Variants in RAB3GAP2 observed in about 807,000 individuals in gnomAD.
RAB3GAP2 encodes the protein RAB3 GTPase activating non-catalytic protein subunit 2.
In RAB3GAP2, 87 loss-of-function variants were observed where a neutral mutation model predicts 185.3. That is an observed-to-expected ratio of 0.47 (90% confidence interval 0.39 to 0.56). The LOEUF (loss-of-function observed/expected upper bound fraction) is 0.56, where lower values mean the gene tolerates loss of function less well. RAB3GAP2 is among the 20% of genes least tolerant of loss of function. The probability of loss-of-function intolerance (pLI) is 0.00; values close to 1 mark genes in which losing one functional copy is unlikely to be tolerated. For missense variants in RAB3GAP2, 1,492 were observed against 1,638.2 expected (o/e 0.91, Z 1.54); for synonymous variants, 554 against 576.1 (o/e 0.96, Z 0.55).
chr1:220,239,987 AT>A (rs1222997773), intron 1 of RAB3GAP2, among the ~76,000 whole-genome samples: 1 of 127,976 alleles, frequency 7.8e-6, no homozygotes, highest in African/African-American at 3.3e-5. Context: ...CATTTTGAAG[AT>A]TAAAAAAAAA....
chr1:220,200,810 C>T, intron 9 of RAB3GAP2: 2 of 357,308 alleles, frequency 5.6e-6, no homozygotes, highest in Non-Finnish European at 1.1e-5. Flanking sequence ...TATCCTTAGC[C>T]TCTTTAGAGT....
At chr1:220,191,312 A>C (rs1658615596) in intron 13 of RAB3GAP2, 28 bp from the exon 14 acceptor site, 1 of 1,263,386 alleles carries the variant, frequency 7.9e-7, no homozygotes, top group African/African-American at 1.8e-5. Flanking sequence ...AGGGAAGTTA[A>C]TTACTTAATC....
chr1:220,263,409 A>G (rs916950337), intron 1 of RAB3GAP2, among the ~76,000 whole-genome samples: 1 of 152,058 alleles, frequency 6.6e-6, no homozygotes, highest in Non-Finnish European at 1.5e-5. Flanking sequence ...GTTTTATTCT[A>G]AAGTTTTACA....
chr1:220,226,264 G>A (rs548907166), intron 2 of RAB3GAP2, among the ~76,000 whole-genome samples: 1 of 152,248 alleles, frequency 6.6e-6, no homozygotes, highest in African/African-American at 2.4e-5. Flanking sequence ...ATGAAGGAAA[G>A]TCCATTAAAT....
intron 2 of RAB3GAP2, among the ~76,000 whole-genome samples, chr1:220,224,292 A>G (rs936989058): frequency 2.6e-5 from 4 of 152,158 alleles, no homozygotes; most frequent in Admixed American, 6.6e-5. Context: ...CTCAATTATG[A>G]CACTATGTGC....
intron 21 of RAB3GAP2, among the ~76,000 whole-genome samples, chr1:220,181,377 G>A (rs1238899043): frequency 2.0e-5 from 3 of 152,120 alleles, no homozygotes; most frequent in Admixed American, 6.5e-5. Context: ...TCTTCCATGG[G>A]TGCTGAGGGA....
intron 1 of RAB3GAP2, chr1:220,266,623 T>C (rs958857248): frequency 2.5e-6 from 3 of 1,217,624 alleles, no homozygotes; most frequent in East Asian, 4.7e-5. Flanking sequence ...CAGCAGTCAA[T>C]GGTAAAATAA....
At chr1:220,204,944 T>C (rs978194207) in intron 8 of RAB3GAP2, among the ~76,000 whole-genome samples, 1 of 152,060 alleles carries the variant, frequency 6.6e-6, no homozygotes, top group Non-Finnish European at 1.5e-5. Flanking sequence ...TAGTATTCCA[T>C]GGTGTATATG....
rs1193564227 is a variant in RAB3GAP2 at position 220,241,873 on chromosome 1, T to A, written c.116-9010A>T. Among the ~76,000 whole-genome samples, 5 of 152,114 alleles carry A rather than the reference T, an allele frequency of 3.3e-5. 1 individual carries two copies. In the South Asian group the frequency reaches 1.0e-3, roughly 31 times the overall value. Reference sequence around the variant, plus strand: ...TCATATTTATATATTATTTATTTTTTATATCCAAAACAACAGAAAAAGTTA... The same window carrying A: ...TCATATTTATATATTATTTATTTTTAATATCCAAAACAACAGAAAAAGTTA... On this transcript the variant is annotated intron_variant, in intron 1 of 34. Transcript: ENST00000358951.
rs536431400 is a variant in RAB3GAP2 at position 220,160,875 on chromosome 1, C to T, written c.3225+1323G>A. 2.6e-5 allele frequency among the ~76,000 whole-genome samples: 4 copies of T among 152,338 alleles called. No homozygotes were observed. In the South Asian group the frequency reaches 8.3e-4, roughly 32 times the overall value. On this transcript the variant is annotated intron_variant, in intron 28 of 34. Transcript: ENST00000358951. ...AGCTCTTTGAGGGCCAGGACCATAA[C>T]TTCCATTGGTTCAACCACAGAACCT...
intron 24 of RAB3GAP2, 138 bp from the exon 25 acceptor site, chr1:220,167,813 G>A (rs1658099470): frequency 8.7e-6 from 8 of 921,590 alleles, no homozygotes; most frequent in Non-Finnish European, 1.4e-5. Context: ...AAAAAGCCAT[G>A]AGATTTACAG....
intron 1 of RAB3GAP2, among the ~76,000 whole-genome samples, chr1:220,239,005 T>C (rs1428283597): frequency 6.6e-6 from 1 of 152,166 alleles, no homozygotes; most frequent in Non-Finnish European, 1.5e-5. Context: ...GCTAAACGAA[T>C]AGTAATTGAA....
At chr1:220,246,168 T>A (rs1377688850) in intron 1 of RAB3GAP2, among the ~76,000 whole-genome samples, 2 of 151,934 alleles carry the variant, frequency 1.3e-5, no homozygotes, top group Non-Finnish European at 2.9e-5. Context: ...AAAAAACACA[T>A]GAAAAAATGC....
Position 220,196,307 on chromosome 1 carries a change from C to T in RAB3GAP2, c.903G>A (p.Met301Ile). The T allele has an allele frequency of 1.2e-6, 2 of 1,612,410 alleles. No individual in the cohort carries two copies. Among genetic ancestry groups the T allele is most frequent in the Middle Eastern group, 1.7e-4 (1 of 6,054 alleles). ...TGGACCCTACAGTGATATACTGAGACATGGCAGGTGGACTATTTTTAATTG... is the reference window on the plus strand; with the variant it reads ...TGGACCCTACAGTGATATACTGAGATATGGCAGGTGGACTATTTTTAATTG... Reference protein sequence around the residue: ...NAAIKNSPPAMSQYITVGSNP... With the variant: ...NAAIKNSPPAISQYITVGSNP... Residue 301 changes from methionine (M) to isoleucine (I), a missense_variant, in exon 10 of 35, where the codon ATG (methionine) becomes ATA (isoleucine). Physicochemically the swap from Met to Ile is conservative, Grantham distance 10 (BLOSUM62 1). Transcript: ENST00000358951.
chr1:220,152,879 T>C (rs1657788756), intron 33 of RAB3GAP2, among the ~76,000 whole-genome samples: 1 of 152,142 alleles, frequency 6.6e-6, no homozygotes, highest in Non-Finnish European at 1.5e-5. Context: ...TCATAGCACC[T>C]ATCATTCAAT....
rs1658033290 is a variant in RAB3GAP2, at chr1:220,164,745, G to A, written c.3142C>T (p.His1048Tyr). ...IEHLKQIFNA[H>Y]VQNGIALMMW... is the part of the protein sequence containing the mutation. ...TCTGTTTACTTACCATTTTGAACATGTGCATTAAATATTTGCTTCAAGTGT... is the reference window on the plus strand; with the variant it reads ...TCTGTTTACTTACCATTTTGAACATATGCATTAAATATTTGCTTCAAGTGT... Residue 1048 changes from histidine to tyrosine, a missense_variant, in exon 27 of 35, where the codon CAT becomes TAT. His to Tyr is a moderately conservative substitution (Grantham distance 83). Coordinates refer to ENST00000358951, the MANE Select transcript of RAB3GAP2 (RefSeq NM_012414.4). 1.2e-6 allele frequency: 2 copies of A among 1,606,014 alleles called. No homozygotes were observed. Among genetic ancestry groups the A allele is most frequent in the Middle Eastern group, 1.7e-4 (1 of 5,922 alleles).
At chr1:220,190,844 C>A (rs1658602690) in intron 14 of RAB3GAP2, among the ~76,000 whole-genome samples, 1 of 152,010 alleles carries the variant, frequency 6.6e-6, no homozygotes, top group South Asian at 2.1e-4. Context: ...ACATTAGCAA[C>A]AAGCTAACTT....
intron 1 of RAB3GAP2, among the ~76,000 whole-genome samples, chr1:220,255,017 T>C (rs1660009634): frequency 6.6e-6 from 1 of 151,922 alleles, no homozygotes; most frequent in Non-Finnish European, 1.5e-5. Flanking sequence ...TCCATGTTGT[T>C]ACTTAGGCAT....
chr1:220,252,169 A>AAG (rs1313698974), intron 1 of RAB3GAP2, among the ~76,000 whole-genome samples: 5 of 151,034 alleles, frequency 3.3e-5, no homozygotes, highest in African/African-American at 9.7e-5. Flanking sequence ...AAAAAAAAAA[A>AAG]AGAGAAAATG....
Sources: gnomAD v4.1 joint callset for allele counts (sites outside exome capture counted in the v4.1 genomes callset) on GRCh38, gnomAD v4.1.1 for gene constraint, MANE v1.5 for transcripts, NCBI Gene and HGNC (gene_info 2026-07-23, HGNC 2026-07-21) for gene names.